The following RAB2A variants were observed in gnomAD, a reference collection of about 807,000 sequenced individuals.
The protein encoded by RAB2A is ras-related protein Rab-2A.
RAB2A carries 7 observed loss-of-function variants against 32.5 expected under a neutral mutation model. The observed-to-expected ratio is 0.22, with a 90% CI of 0.12 to 0.40. The LOEUF is 0.40. Among genes scored for constraint, RAB2A ranks in the 10% least tolerant of loss-of-function variants. The pLI is 1.00. For synonymous variants in RAB2A, 79 were observed against 85.2 expected, an observed-to-expected ratio of 0.93 and a Z score of 0.40; for missense variants, 108 against 260.7, an observed-to-expected ratio of 0.41 and a Z score of 4.03.
At chr8:60,615,100 A>T (rs2150438559) in intron 6 of RAB2A, among the ~76,000 whole-genome samples, 1 of 152,316 alleles carries the variant, frequency 6.6e-6, no homozygotes, top group African/African-American at 2.4e-5. Flanking sequence ...AAAACCTATT[A>T]GTTTTGCCTA....
chr8:60,546,964 C>T (rs1008914747), intron 1 of RAB2A, among the ~76,000 whole-genome samples: 2 of 140,040 alleles, frequency 1.4e-5, no homozygotes, highest in African/African-American at 5.5e-5. Flanking sequence ...GGCAGGGTCA[C>T]AGGACAATAG....
intron 3 of RAB2A, among the ~76,000 whole-genome samples, chr8:60,577,724 C>T (rs879868028): frequency 3.3e-5 from 5 of 151,856 alleles, no homozygotes; most frequent in East Asian, 3.9e-4. Flanking sequence ...GCCGGGTTCA[C>T]GCCACTTTCT....
At position 60,558,843 on chromosome 8, in the gene RAB2A, A is replaced by G; in HGVS notation, c.47-9A>G. On this transcript the variant is annotated splice_polypyrimidine_tract_variant and intron_variant, in intron 1 of 7. Transcript: ENST00000262646. ...TTTTGTCTCTTATTTATTTTTTTTTAACTTTCAGGTGTTGGTAAATCATGC... is the reference window on the plus strand; with the variant it reads ...TTTTGTCTCTTATTTATTTTTTTTTGACTTTCAGGTGTTGGTAAATCATGC... The G allele has an allele frequency of 1.2e-6, 2 of 1,605,726 alleles. No homozygotes were observed. Among genetic ancestry groups the G allele is most frequent in the Non-Finnish European group, 1.7e-6 (2 of 1,173,258 alleles).
intron 1 of RAB2A, chr8:60,552,393 CT>C (rs1807867438): frequency 6.6e-6 from 1 of 152,248 alleles, no homozygotes; most frequent in Admixed American, 6.5e-5. Context: ...CTGCCTCAGC[CT>C]CCTAAAGTGC....
At position 60,622,331 on chromosome 8, in the gene RAB2A, G is replaced by A. The variant is rs1161644288; in HGVS notation, c.*1562G>A. The A allele has an allele frequency of 6.6e-6, 1 of 152,192 alleles. No individual in the cohort carries two copies. Among genetic ancestry groups the A allele is most frequent in the East Asian group, 1.9e-4 (1 of 5,200 alleles). The allele number at this position is 152,192 out of a possible 1,614,324, so 9.4% of individuals were successfully genotyped here. ...ACAGGTCTTCCCTGAAGATTCAGCAGTACTCTCTCAAAGGTTTGACAGTAC... is the reference window on the plus strand; with the variant it reads ...ACAGGTCTTCCCTGAAGATTCAGCAATACTCTCTCAAAGGTTTGACAGTAC... On this transcript the variant is annotated 3_prime_UTR_variant, in exon 8 of 8. Coordinates refer to ENST00000262646, the MANE Select transcript of RAB2A (RefSeq NM_002865.3).
chr8:60,590,584 TTTTA>T (rs1335817858), intron 5 of RAB2A, among the ~76,000 whole-genome samples: 3 of 104,796 alleles, frequency 2.9e-5, no homozygotes, highest in East Asian at 3.6e-4. Context: ...AATATATGTA[TTTTA>T]TATATATATA....
At position 60,604,944 on chromosome 8, in the gene RAB2A, G is replaced by A. The variant is rs556961848; in HGVS notation, c.474+12975G>A. On this transcript the variant is annotated intron_variant, in intron 6 of 7. Coordinates refer to ENST00000262646, the MANE Select transcript of RAB2A (RefSeq NM_002865.3). ...TTGCATAAGTAAAAAGGAACCAAATGCTAATAGCCATGACAATGGGGAGAA... is the reference window on the plus strand; with the variant it reads ...TTGCATAAGTAAAAAGGAACCAAATACTAATAGCCATGACAATGGGGAGAA... Among the ~76,000 whole-genome samples the A allele has an allele frequency of 6.6e-5, 10 of 152,314 alleles. No homozygotes were observed. The East Asian group carries it at 1.7e-3, about 26-fold the overall frequency.
chr8:60,607,881 A>C (rs1474222901), intron 6 of RAB2A, among the ~76,000 whole-genome samples: 2 of 152,144 alleles, frequency 1.3e-5, no homozygotes, highest in Non-Finnish European at 2.9e-5. Context: ...TTCCTTCTCT[A>C]TTGATTCTTG....
chr8:60,590,249 C>T (rs1269836444), intron 5 of RAB2A, among the ~76,000 whole-genome samples: 10 of 151,972 alleles, frequency 6.6e-5, no homozygotes, highest in Middle Eastern at 3.4e-3. Context: ...TGTGAGCCAC[C>T]GCACCCGGCC....
intron 1 of RAB2A, among the ~76,000 whole-genome samples, chr8:60,553,609 T>A (rs1807889670): frequency 6.6e-6 from 1 of 152,222 alleles, no homozygotes; most frequent in Non-Finnish European, 1.5e-5. Context: ...TATATTTAAT[T>A]TGCTTCTTAT....
At chr8:60,613,389 G>A (rs536540385) in intron 6 of RAB2A, among the ~76,000 whole-genome samples, 5 of 152,212 alleles carry the variant, frequency 3.3e-5, no homozygotes, top group African/African-American at 1.2e-4. Flanking sequence ...AACCTTCCTA[G>A]CAATCCTATG....
chr8:60,571,852 G>A (rs1469584978), intron 2 of RAB2A, among the ~76,000 whole-genome samples, 194 bp from the exon 3 acceptor site: 1 of 151,820 alleles, frequency 6.6e-6, no homozygotes, highest in Admixed American at 6.6e-5. Flanking sequence ...TTTTAATTAT[G>A]TCCTTAGCTT....
In RAB2A at chr8:60,527,470, C is replaced by T. The variant is rs114236457; in HGVS notation, c.46+10217C>T. Among the ~76,000 whole-genome samples the T allele has an allele frequency of 3.7e-3, 567 of 152,318 alleles. 6 individuals are homozygous for T. The highest frequency in any genetic ancestry group is 0.013 in the African/African-American group (544 of 41,558). On this transcript the variant is annotated intron_variant, in intron 1 of 7. Coordinates refer to ENST00000262646, the MANE Select transcript of RAB2A (RefSeq NM_002865.3). ...GCAGAAGGCAAAGGGGAAGCAGGCA[C>T]CTTCTTCACAAGGCGGCAGGAGAGG... is the stretch of plus-strand genomic sequence containing the variant.
chr8:60,588,015 A>G (rs1490131713), intron 5 of RAB2A, among the ~76,000 whole-genome samples: 1 of 152,228 alleles, frequency 6.6e-6, no homozygotes, highest in Non-Finnish European at 1.5e-5. Flanking sequence ...ACAATTTGGT[A>G]GTTTCTTTAG....
chr8:60,525,806 G>C (rs937894014), intron 1 of RAB2A, among the ~76,000 whole-genome samples: 2 of 151,720 alleles, frequency 1.3e-5, no homozygotes, highest in African/African-American at 4.8e-5. Context: ...TGTGTGCTAG[G>C]TAGGTTCTGC....
At chr8:60,574,844 TC>T (rs1808246350) in intron 3 of RAB2A, among the ~76,000 whole-genome samples, 1 of 152,144 alleles carries the variant, frequency 6.6e-6, no homozygotes, top group South Asian at 2.1e-4. Context: ...TTGTTTGTGT[TC>T]CTCTAGGAGG....
intron 6 of RAB2A, among the ~76,000 whole-genome samples, chr8:60,600,061 G>A (rs1353336402): frequency 4.6e-5 from 5 of 109,024 alleles, no homozygotes; most frequent in Admixed American, 2.4e-4. Flanking sequence ...AATTTTACTC[G>A]GTAGTAAAAA....
intron 1 of RAB2A, among the ~76,000 whole-genome samples, chr8:60,546,208 ACT>A (rs1807724422): frequency 6.6e-6 from 1 of 151,980 alleles, no homozygotes; most frequent in African/African-American, 2.4e-5. Flanking sequence ...CAAGTAAATA[ACT>A]CTCCAAAGTC....
chr8:60,542,739 G>GT (rs1435422448), intron 1 of RAB2A, among the ~76,000 whole-genome samples: 2 of 151,764 alleles, frequency 1.3e-5, no homozygotes, highest in African/African-American at 4.8e-5. Flanking sequence ...AGGGTAGAGG[G>GT]TTAGTTCTTC....
Sources: gnomAD v4.1 joint callset for allele counts (sites outside exome capture counted in the v4.1 genomes callset) on GRCh38, gnomAD v4.1.1 for gene constraint, MANE v1.5 for transcripts, NCBI Gene and HGNC (gene_info 2026-07-23, HGNC 2026-07-21) for gene names.